GPR176: variants seen among roughly 807,000 people sequenced by gnomAD.
GPR176 encodes G-protein coupled receptor 176.
Under a neutral mutation model 35.4 loss-of-function variants are expected in GPR176, and 26 were observed. The observed-to-expected ratio is 0.74, with a 90% CI of 0.54 to 1.02. The LOEUF is 1.02. GPR176 is among the 50% of genes least tolerant of loss of function. The pLI is 0.00. For missense variants in GPR176, 597 were observed against 665.3 expected, an observed-to-expected ratio of 0.90 and a Z score of 1.13; for synonymous variants, 278 against 271.3, an observed-to-expected ratio of 1.02 and a Z score of -0.24.
intron 1 of GPR176, among the ~76,000 whole-genome samples, chr15:39,847,451 A>G (rs1285656049): frequency 6.6e-6 from 1 of 152,112 alleles, no homozygotes; most frequent in Non-Finnish European, 1.5e-5. Flanking sequence ...ATGCAAACAT[A>G]AAGAACTCAT....
At chr15:39,802,610 G>T (rs1012040140) in intron 2 of GPR176, among the ~76,000 whole-genome samples, 1 of 152,174 alleles carries the variant, frequency 6.6e-6, no homozygotes, top group Non-Finnish European at 1.5e-5. Context: ...TTCTCCATCT[G>T]CTATAAAGAT....
At chr15:39,890,821 C>G (rs2032845092) in intron 1 of GPR176, among the ~76,000 whole-genome samples, 1 of 152,174 alleles carries the variant, frequency 6.6e-6, no homozygotes, top group South Asian at 2.1e-4. Flanking sequence ...TGAGCTGGAG[C>G]TGAGGTCCAC....
At chr15:39,872,728 G>C (rs1595497425) in intron 1 of GPR176, among the ~76,000 whole-genome samples, 1 of 152,098 alleles carries the variant, frequency 6.6e-6, no homozygotes, top group African/African-American at 2.4e-5. Context: ...AGTTGGTGGG[G>C]AGGTGCCACA....
intron 1 of GPR176, among the ~76,000 whole-genome samples, chr15:39,816,872 T>C (rs1030328079): frequency 2.0e-5 from 3 of 151,818 alleles, no homozygotes; most frequent in African/African-American, 7.3e-5. Context: ...CTGGTCAACA[T>C]AGCAAGACCT....
chr15:39,892,755 A>AACAG (rs1423669568), intron 1 of GPR176, among the ~76,000 whole-genome samples: 1 of 152,240 alleles, frequency 6.6e-6, no homozygotes, highest in East Asian at 1.9e-4. Context: ...CTGAGGCATG[A>AACAG]ACAGACTCCC....
intron 1 of GPR176, among the ~76,000 whole-genome samples, chr15:39,858,677 TACTCCAGCTCAGGTG>T (rs1351455262): frequency 6.6e-6 from 1 of 152,238 alleles, no homozygotes; most frequent in Non-Finnish European, 1.5e-5. Context: ...CACACCATTG[TACTCCAGCTCAGGTG>T]ACAGAGTGAG....
chr15:39,852,941 T>C (rs1008803558), intron 1 of GPR176, among the ~76,000 whole-genome samples: 2 of 152,154 alleles, frequency 1.3e-5, no homozygotes, highest in African/African-American at 2.4e-5. Flanking sequence ...TGTGAAGAAA[T>C]TGGAACTCTT....
chr15:39,814,179 T>C (rs1362618869), intron 1 of GPR176, among the ~76,000 whole-genome samples: 1 of 152,228 alleles, frequency 6.6e-6, no homozygotes, highest in Non-Finnish European at 1.5e-5. Context: ...CCATTGCCTC[T>C]TTGAATTTTA....
At chr15:39,917,563 T>G (rs1025203881) in intron 1 of GPR176, among the ~76,000 whole-genome samples, 6 of 151,822 alleles carry the variant, frequency 4.0e-5, no homozygotes, top group Non-Finnish European at 1.5e-5. Context: ...CTCAAACTCC[T>G]GATCTCAAGC....
chr15:39,896,951 A>G (rs966168501), intron 1 of GPR176, among the ~76,000 whole-genome samples: 3 of 152,234 alleles, frequency 2.0e-5, no homozygotes, highest in Non-Finnish European at 2.9e-5. Context: ...GGATTTCACA[A>G]TTTAAAACAC....
At chr15:39,906,101 G>A (rs41497851) in intron 1 of GPR176, among the ~76,000 whole-genome samples, 1 of 152,054 alleles carries the variant, frequency 6.6e-6, no homozygotes, top group Non-Finnish European at 1.5e-5. Context: ...GTGTACAAAT[G>A]GAAGCAACAG....
chr15:39,903,270 A>ATTACT (rs56045468), intron 1 of GPR176, among the ~76,000 whole-genome samples: 51,187 of 151,734 alleles, frequency 0.34, 8,851 homozygotes, highest in Admixed American at 0.43. Context: ...CAAATAACAA[A>ATTACT]TTATTTGGAA....
At chr15:39,884,943 G>A (rs928827397) in intron 1 of GPR176, among the ~76,000 whole-genome samples, 1 of 152,202 alleles carries the variant, frequency 6.6e-6, no homozygotes, top group Non-Finnish European at 1.5e-5. Flanking sequence ...ATACTGAGTA[G>A]GCAAGGAGCA....
At chr15:39,879,350 A>C (rs894959874) in intron 1 of GPR176, among the ~76,000 whole-genome samples, 2 of 152,204 alleles carry the variant, frequency 1.3e-5, no homozygotes, top group African/African-American at 4.8e-5. Flanking sequence ...ATATGGTCCC[A>C]GGAGCCACAC....
chr15:39,894,707 C>T (rs1406163334), intron 1 of GPR176, among the ~76,000 whole-genome samples: 1 of 151,666 alleles, frequency 6.6e-6, no homozygotes, highest in Admixed American at 6.6e-5. Context: ...GGGATGGCGG[C>T]CGGGCGGAGA....
intron 1 of GPR176, among the ~76,000 whole-genome samples, chr15:39,824,941 A>T (rs542191709): frequency 3.9e-5 from 6 of 152,300 alleles, no homozygotes; most frequent in African/African-American, 1.2e-4. Context: ...GTGGTGGCTC[A>T]TGCCTGTAAT....
At chr15:39,858,972 C>T (rs988104155) in intron 1 of GPR176, among the ~76,000 whole-genome samples, 2 of 152,056 alleles carry the variant, frequency 1.3e-5, no homozygotes, top group Admixed American at 1.3e-4. Flanking sequence ...ATCTTGAATT[C>T]CTGACCTCAG....
At chr15:39,825,453 A>G (rs1419206919) in intron 1 of GPR176, among the ~76,000 whole-genome samples, 1 of 152,114 alleles carries the variant, frequency 6.6e-6, no homozygotes, top group Non-Finnish European at 1.5e-5. Context: ...CATCATATAT[A>G]AACATTTACA....
At chr15:39,804,130 C>T (rs776101455) in intron 2 of GPR176, among the ~76,000 whole-genome samples, 14 of 152,140 alleles carry the variant, frequency 9.2e-5, no homozygotes, top group Non-Finnish European at 1.6e-4. Flanking sequence ...CAAACCCAGG[C>T]TTCCATTAAT....
Sources: allele counts gnomAD v4.1 joint callset (sites outside exome capture counted in the v4.1 genomes callset), GRCh38; gene constraint gnomAD v4.1.1; transcripts MANE v1.5; gene names NCBI Gene and HGNC (gene_info 2026-07-23, HGNC 2026-07-21).